The following COL21A1 variants were observed in gnomAD, a reference collection of about 807,000 sequenced individuals.
The protein encoded by COL21A1 is collagen alpha-1(XXI) chain.
COL21A1 carries 149 observed loss-of-function variants against 137.9 expected under a neutral mutation model. The observed-to-expected ratio is 1.08, with a 90% CI of 0.95 to 1.24. The LOEUF (loss-of-function observed/expected upper bound fraction) is 1.24, where lower values mean the gene tolerates loss of function less well. Among genes scored for constraint, COL21A1 ranks in the 50% most tolerant of loss-of-function variants. COL21A1 has a pLI of 0.00. For missense variants in COL21A1, 1,167 were observed against 1,158.4 expected, an observed-to-expected ratio of 1.01 and a Z score of -0.11; for synonymous variants, 456 against 391.5, an observed-to-expected ratio of 1.16 and a Z score of -1.95.
At chr6:56,172,172 A>C (rs79673794) in intron 3 of COL21A1, among the ~76,000 whole-genome samples, 3,646 of 152,232 alleles carry the variant, frequency 0.024, 83 homozygotes, top group East Asian at 0.056. Context: ...ACTCGAATTC[A>C]AGAAGCCTAA....
chr6:56,165,907 TACACACACACACACACAC>T (rs61397350), intron 7 of COL21A1, among the ~76,000 whole-genome samples: 1 of 105,714 alleles, frequency 9.5e-6, no homozygotes, highest in African/African-American at 3.5e-5. Flanking sequence ...GGGGATTGAT[TACACACACACACACACAC>T]ACACACACAC....
At chr6:56,118,420 CA>C (rs1202178596) in intron 16 of COL21A1, among the ~76,000 whole-genome samples, 3 of 151,850 alleles carry the variant, frequency 2.0e-5, no homozygotes, top group African/African-American at 7.2e-5. Context: ...TAACAAGTAA[CA>C]AGATGCAAAC....
chr6:56,195,352 G>A (rs565975313), intron 1 of COL21A1, among the ~76,000 whole-genome samples: 4 of 152,190 alleles, frequency 2.6e-5, no homozygotes, highest in Non-Finnish European at 5.9e-5. Flanking sequence ...AGTAAAAATA[G>A]TGTTGAAATT....
intron 1 of COL21A1, among the ~76,000 whole-genome samples, chr6:56,194,438 A>T (rs1459365616): frequency 6.6e-6 from 1 of 152,144 alleles, no homozygotes; most frequent in Non-Finnish European, 1.5e-5. Context: ...GGAAGCCCTA[A>T]CCCTAATCCA....
In COL21A1 at chr6:56,159,334, A is replaced by ATTTT. The variant is rs11412656; in HGVS notation, c.1372-2389_1372-2386dup. ...GAGACTGTAGCAAAGTCTGAATTAC[A>ATTTT]TTTTTTTTTTTTTTTTGAGACGGAG... is the stretch of plus-strand genomic sequence containing the variant. On this transcript the variant is annotated intron_variant, in intron 9 of 29. Transcript: ENST00000244728. Among the ~76,000 whole-genome samples the ATTTT allele has an allele frequency of 7.5e-3, 1,028 of 137,130 alleles. 27 individuals are homozygous for ATTTT. The highest frequency in any genetic ancestry group is 0.027 in the African/African-American group (992 of 36,472). The allele number at this position is 137,130 out of a possible 152,430, so 90.0% of individuals were successfully genotyped here. A position where few individuals can be genotyped will look rare whatever the true frequency, so the allele number is the denominator to read the frequency against.
intron 1 of COL21A1, among the ~76,000 whole-genome samples, chr6:56,383,064 A>G (rs1220481964): frequency 6.6e-6 from 1 of 152,164 alleles, no homozygotes; most frequent in Admixed American, 6.6e-5. Context: ...AACATTGTCA[A>G]TACAGGATGC....
chr6:56,181,441 G>T (rs1158554312), intron 2 of COL21A1, among the ~76,000 whole-genome samples: 1 of 151,318 alleles, frequency 6.6e-6, no homozygotes, highest in African/African-American at 2.4e-5. Flanking sequence ...AAAGCTTGTT[G>T]GCAGAGCTTT....
At chr6:56,176,805 T>A (rs1259757853) in intron 3 of COL21A1, among the ~76,000 whole-genome samples, 1 of 150,336 alleles carries the variant, frequency 6.7e-6, no homozygotes, top group Non-Finnish European at 1.5e-5. Context: ...GGTTTCATGT[T>A]AATGTGTTTT....
chr6:56,379,014 G>A (rs1335663971), intron 1 of COL21A1, among the ~76,000 whole-genome samples: 3 of 152,198 alleles, frequency 2.0e-5, no homozygotes, highest in African/African-American at 7.2e-5. Flanking sequence ...ACCACACAGC[G>A]TTACTGGGCT....
chr6:56,350,921 C>T (rs2223594), intron 1 of COL21A1, among the ~76,000 whole-genome samples: 54,295 of 152,166 alleles, frequency 0.36, 10,490 homozygotes, highest in East Asian at 0.72. Context: ...CATAATGTAA[C>T]ATTAGCTTAT....
chr6:56,365,265 C>T (rs1049246478), intron 1 of COL21A1, among the ~76,000 whole-genome samples: 8 of 152,098 alleles, frequency 5.3e-5, no homozygotes, highest in Admixed American at 1.3e-4. Flanking sequence ...TCTGTATTGT[C>T]GAATATTCCC....
chr6:56,285,479 G>C (rs1212307825), intron 1 of COL21A1, among the ~76,000 whole-genome samples: 1 of 152,012 alleles, frequency 6.6e-6, no homozygotes, highest in Admixed American at 6.5e-5. Context: ...AACAAAAATT[G>C]GTTTTCTTCT....
At chr6:56,103,754 T>C (rs1456021768) in intron 16 of COL21A1, among the ~76,000 whole-genome samples, 1 of 152,208 alleles carries the variant, frequency 6.6e-6, no homozygotes, top group Non-Finnish European at 1.5e-5. Flanking sequence ...TTCTTTATTA[T>C]CTATAGCAGT....
intron 1 of COL21A1, among the ~76,000 whole-genome samples, chr6:56,257,065 G>A (rs530111828): frequency 5.1e-4 from 78 of 152,266 alleles, no homozygotes; most frequent in African/African-American, 1.3e-3. Context: ...GAGTAAGCAA[G>A]TTCTGTGAGG....
chr6:56,164,395 C>T, intron 9 of COL21A1, 28 bp downstream of exon 9: 1 of 1,456,684 alleles, frequency 6.9e-7, no homozygotes, highest in Non-Finnish European at 9.5e-7. Flanking sequence ...TGTGTTTTAA[C>T]AAAAACAGCA....
intron 1 of COL21A1, among the ~76,000 whole-genome samples, chr6:56,333,286 C>T (rs1765270401): frequency 6.6e-6 from 1 of 151,922 alleles, no homozygotes; most frequent in Non-Finnish European, 1.5e-5. Context: ...CCAATTCTCT[C>T]TGTTCCCTCC....
chr6:56,246,066 A>C (rs930102415), intron 1 of COL21A1, among the ~76,000 whole-genome samples: 28 of 151,880 alleles, frequency 1.8e-4, no homozygotes, highest in African/African-American at 6.0e-4. Context: ...AGCTGGAACT[A>C]TTTTAGCCAA....
Position 56,107,422 on chromosome 6 carries a change from T to C in COL21A1, c.1759-5897A>G, listed in dbSNP as rs534896696. Reference sequence around the variant, plus strand: ...TTTAAAACTATAATTCAAAAGAACATTCCAGAAAAAAAAAAATCCCTGAAT... The same window carrying C: ...TTTAAAACTATAATTCAAAAGAACACTCCAGAAAAAAAAAAATCCCTGAAT... On this transcript the variant is annotated intron_variant, in intron 16 of 29. Transcript: ENST00000244728. 1.4e-4 allele frequency among the ~76,000 whole-genome samples: 22 copies of C among 151,964 alleles called. No individual in the cohort carries two copies. In the South Asian group the frequency reaches 4.6e-3, roughly 31 times the overall value.
intron 16 of COL21A1, among the ~76,000 whole-genome samples, chr6:56,121,237 A>T (rs1473199011): frequency 6.6e-6 from 1 of 152,108 alleles, no homozygotes; most frequent in African/African-American, 2.4e-5. Context: ...CTATGAAAAG[A>T]CATGGGGGAA....
Sources: gnomAD v4.1 joint callset for allele counts (sites outside exome capture counted in the v4.1 genomes callset) on GRCh38, gnomAD v4.1.1 for gene constraint, MANE v1.5 for transcripts, NCBI Gene and HGNC (gene_info 2026-07-23, HGNC 2026-07-21) for gene names.